ATP2B4: variants seen among roughly 807,000 people sequenced by gnomAD.
ATP2B4 encodes the protein plasma membrane calcium-transporting ATPase 4.
ATP2B4 carries 39 observed loss-of-function variants against 110.3 expected under a neutral mutation model. That is an observed-to-expected ratio of 0.35 (90% CI 0.27 to 0.46). The LOEUF is 0.46. Among genes scored for constraint, ATP2B4 ranks in the 20% least tolerant of loss-of-function variants. The probability of loss-of-function intolerance (pLI) is 1.00; values close to 1 mark genes in which losing one functional copy is unlikely to be tolerated. For synonymous variants in ATP2B4, 538 were observed against 571.7 expected (o/e 0.94, Z 0.84); for missense variants, 1,135 against 1,530.9 (o/e 0.74, Z 4.32).
chr1:203,714,421 G>A (rs746738920), intron 15 of ATP2B4, 144 bp downstream of exon 15: 51 of 741,024 alleles, frequency 6.9e-5, no homozygotes, highest in Non-Finnish European at 1.0e-4. Flanking sequence ...CTATCTACCG[G>A]GCCAATCATG....
intron 1 of ATP2B4, among the ~76,000 whole-genome samples, chr1:203,636,787 A>G (rs909330696): frequency 1.3e-5 from 2 of 152,224 alleles, no homozygotes; most frequent in Non-Finnish European, 2.9e-5. Flanking sequence ...CAAAGGAGTA[A>G]AACTCTCAAT....
chr1:203,702,750 T>C lies in ATP2B4; in HGVS notation c.937+671T>C, dbSNP rs74137878. Among the ~76,000 whole-genome samples, 1,334 of 152,346 alleles carry C rather than the reference T, an allele frequency of 8.8e-3. 20 individuals are homozygous for C. Among genetic ancestry groups the C allele is most frequent in the African/African-American group, 0.027 (1,136 of 41,582 alleles). On this transcript the variant is annotated intron_variant, in intron 7 of 20. Transcript: ENST00000357681. ...ATCCTAAGCAAGGGGCTGAGCCCTA[T>C]AGCAGTGAAAGTGGAGTGGTGCTGG...
chr1:203,644,554 G>A (rs1234544320), intron 1 of ATP2B4, among the ~76,000 whole-genome samples: 1 of 152,178 alleles, frequency 6.6e-6, no homozygotes, highest in African/African-American at 2.4e-5. Flanking sequence ...TTGTTCAGAT[G>A]TAAAATGAAG....
At position 203,698,454 on chromosome 1, in the gene ATP2B4, C is replaced by T. The variant is rs1314310584; in HGVS notation, c.391+100C>T. On this transcript the variant is annotated intron_variant, in intron 3 of 20. Coordinates refer to ENST00000357681, the MANE Select transcript of ATP2B4 (RefSeq NM_001684.5). ...GTGGCTGACAGGTTATAGCTTAAAA[C>T]ATTTCCCCCATTATCCAGAGTGGGC... 1.5e-5 allele frequency: 19 copies of T among 1,226,482 alleles called. No individual in the cohort carries two copies. The East Asian group carries it at 3.6e-4, about 23-fold the overall frequency. 76.0% of individuals were successfully genotyped at this position (1,226,482 alleles called of 1,614,324 possible).
At chr1:203,727,371 C>T (rs1666555524) in intron 19 of ATP2B4, 24 bp from the exon 20 acceptor site, 1 of 1,612,600 alleles carries the variant, frequency 6.2e-7, no homozygotes. Flanking sequence ...CTGACGTCTT[C>T]CTCTTCGCTG....
intron 19 of ATP2B4, among the ~76,000 whole-genome samples, chr1:203,725,709 A>G (rs2102222944): frequency 6.6e-6 from 1 of 152,108 alleles, no homozygotes; most frequent in South Asian, 2.1e-4. Flanking sequence ...GGCCTGGGCT[A>G]TACCTCTCTT....
At chr1:203,677,552 TCCCA>T (rs1664865059) in intron 1 of ATP2B4, among the ~76,000 whole-genome samples, 1 of 152,204 alleles carries the variant, frequency 6.6e-6, no homozygotes. Context: ...AGCCTCTGCC[TCCCA>T]GGTTCAAGTG....
At chr1:203,680,329 G>A (rs1394108405) in intron 1 of ATP2B4, among the ~76,000 whole-genome samples, 3 of 152,070 alleles carry the variant, frequency 2.0e-5, no homozygotes, top group Non-Finnish European at 2.9e-5. Context: ...CAAATTAGGC[G>A]GCTGGGCGCG....
At chr1:203,697,012 T>C (rs1665553155) in intron 2 of ATP2B4, among the ~76,000 whole-genome samples, 4 of 152,340 alleles carry the variant, frequency 2.6e-5, no homozygotes, top group African/African-American at 7.2e-5. Flanking sequence ...GAAAACTTTG[T>C]GGCCCCACCT....
chr1:203,688,017 T>TAG, intron 2 of ATP2B4, among the ~76,000 whole-genome samples: 1 of 147,448 alleles, frequency 6.8e-6, no homozygotes, highest in African/African-American at 2.5e-5. Context: ...ATTATTATTA[T>TAG]TATTATTATT....
intron 1 of ATP2B4, among the ~76,000 whole-genome samples, chr1:203,649,101 T>G (rs773892045): frequency 1.3e-5 from 2 of 152,076 alleles, no homozygotes; most frequent in Non-Finnish European, 1.5e-5. Context: ...TTATGGAGAT[T>G]TTTGCATGGG....
intron 1 of ATP2B4, among the ~76,000 whole-genome samples, chr1:203,640,404 A>G (rs768649473): frequency 6.6e-6 from 1 of 152,090 alleles, no homozygotes; most frequent in Non-Finnish European, 1.5e-5. Context: ...TGCAACCTCA[A>G]CTTCCTAGGA....
intron 1 of ATP2B4, among the ~76,000 whole-genome samples, chr1:203,659,363 A>G (rs566215182): frequency 1.6e-3 from 245 of 152,358 alleles, no homozygotes; most frequent in Non-Finnish European, 3.0e-3. Context: ...AGCCCAAAGC[A>G]GGTATTTAAA....
At chr1:203,725,407 C>T (rs985067887) in intron 19 of ATP2B4, among the ~76,000 whole-genome samples, 27 of 152,280 alleles carry the variant, frequency 1.8e-4, no homozygotes, top group East Asian at 5.8e-4. Context: ...CCATGGCCTC[C>T]GAAAGTGCTA....
intron 1 of ATP2B4, among the ~76,000 whole-genome samples, chr1:203,668,593 G>C (rs891791611): frequency 6.6e-6 from 1 of 152,172 alleles, no homozygotes; most frequent in Admixed American, 6.5e-5. Context: ...AGATGGACTG[G>C]GGAGAATGCA....
chr1:203,645,590 C>CTTT (rs751707749), intron 1 of ATP2B4, among the ~76,000 whole-genome samples: 1 of 138,526 alleles, frequency 7.2e-6, no homozygotes, highest in East Asian at 2.1e-4. Context: ...CCTTTTCTTT[C>CTTT]TTTTTTTTTT....
intron 15 of ATP2B4, among the ~76,000 whole-genome samples, chr1:203,717,523 TTTCTTGGTTTA>T (rs1666191223): frequency 6.6e-6 from 1 of 152,132 alleles, no homozygotes; most frequent in South Asian, 2.1e-4. Context: ...TTTTAATAGC[TTTCTTGGTTTA>T]TTCTTGGTTT....
At chr1:203,705,774 C>G (rs927441845) in intron 8 of ATP2B4, among the ~76,000 whole-genome samples, 1 of 152,184 alleles carries the variant, frequency 6.6e-6, no homozygotes, top group African/African-American at 2.4e-5. Flanking sequence ...CTAGTCTCCT[C>G]TGTTGCTTTA....
chr1:203,712,214 C>A, intron 13 of ATP2B4, 75 bp downstream of exon 13: 1 of 1,506,906 alleles, frequency 6.6e-7, no homozygotes, highest in Non-Finnish European at 9.0e-7. Flanking sequence ...GCATCTGGGT[C>A]ATGTGCGGGA....
Sources: allele counts gnomAD v4.1 joint callset (sites outside exome capture counted in the v4.1 genomes callset), GRCh38; gene constraint gnomAD v4.1.1; transcripts MANE v1.5; gene names NCBI Gene and HGNC (gene_info 2026-07-23, HGNC 2026-07-21).